STIM2: variants seen among roughly 807,000 people sequenced by gnomAD.
The protein encoded by STIM2 is stromal interaction molecule 2.
In STIM2, 31 loss-of-function variants were observed where a neutral mutation model predicts 85.8. The ratio of observed to expected loss-of-function variants is 0.36; its 90% CI spans 0.27 to 0.49. STIM2 has a LOEUF of 0.49. STIM2 is among the 20% of genes least tolerant of loss of function. STIM2 has a pLI of 0.98. For synonymous variants in STIM2, 356 were observed against 331.1 expected, an observed-to-expected ratio of 1.08 and a Z score of -0.82; for missense variants, 841 against 927.6, an observed-to-expected ratio of 0.91 and a Z score of 1.21.
At chr4:26,947,874 T>TA (rs1725899090) in intron 2 of STIM2, among the ~76,000 whole-genome samples, 1 of 152,214 alleles carries the variant, frequency 6.6e-6, no homozygotes, top group Admixed American at 6.5e-5. Flanking sequence ...CTTATAATCG[T>TA]ATGTCTATCT....
At chr4:26,958,846 A>G (rs1231713793) in intron 3 of STIM2, among the ~76,000 whole-genome samples, 1 of 152,208 alleles carries the variant, frequency 6.6e-6, no homozygotes, top group Non-Finnish European at 1.5e-5. Flanking sequence ...TCAGCAATCC[A>G]TAGATACTAA....
chr4:26,864,127 A>G (rs76104092), intron 1 of STIM2, among the ~76,000 whole-genome samples: 5,393 of 152,228 alleles, frequency 0.035, 187 homozygotes, highest in African/African-American at 0.089. Flanking sequence ...GTCATAATGA[A>G]TACAGGTTTA....
intron 4 of STIM2, among the ~76,000 whole-genome samples, chr4:26,998,964 A>G (rs1031234511): frequency 6.6e-6 from 1 of 152,040 alleles, no homozygotes; most frequent in Non-Finnish European, 1.5e-5. Context: ...ATAGTAAGTC[A>G]TAACAGAAAG....
chr4:27,002,833 G>A, intron 6 of STIM2, 94 bp from the exon 7 acceptor site: 1 of 1,092,898 alleles, frequency 9.1e-7, no homozygotes, highest in East Asian at 3.1e-5. Flanking sequence ...ATTGAAATAT[G>A]TATTTAATCG....
At chr4:26,894,415 T>G (rs940069765) in intron 1 of STIM2, among the ~76,000 whole-genome samples, 2 of 152,238 alleles carry the variant, frequency 1.3e-5, no homozygotes, top group Non-Finnish European at 2.9e-5. Flanking sequence ...GTCTTTAGTT[T>G]AACTTAGTTT....
intron 3 of STIM2, among the ~76,000 whole-genome samples, chr4:26,966,909 TAAG>T (rs919017485): frequency 2.5e-4 from 38 of 152,202 alleles, no homozygotes; most frequent in African/African-American, 9.2e-4. Context: ...ATTTTAAAGA[TAAG>T]AACCTCTTCA....
intron 1 of STIM2, among the ~76,000 whole-genome samples, chr4:26,889,564 A>G (rs1019895203): frequency 1.8e-4 from 27 of 152,172 alleles, no homozygotes; most frequent in Non-Finnish European, 3.5e-4. Context: ...CAGTGGTCCA[A>G]TATAATCAGC....
intron 8 of STIM2, 99 bp from the exon 9 acceptor site, chr4:27,008,329 A>G: frequency 1.6e-6 from 1 of 623,182 alleles, no homozygotes; most frequent in Non-Finnish European, 2.6e-6. Flanking sequence ...TATGATTGCT[A>G]ATATATTCAA....
At chr4:26,903,204 C>A (rs1723991559) in intron 1 of STIM2, among the ~76,000 whole-genome samples, 2 of 151,996 alleles carry the variant, frequency 1.3e-5, no homozygotes, top group African/African-American at 4.8e-5. Flanking sequence ...ATAACTTGGC[C>A]CCCTACCTCT....
intron 1 of STIM2, among the ~76,000 whole-genome samples, chr4:26,899,519 T>C (rs1036122559): frequency 5.9e-5 from 9 of 152,180 alleles, no homozygotes; most frequent in African/African-American, 2.2e-4. Flanking sequence ...AACTCACTAA[T>C]GAAACAATCA....
chr4:26,915,084 T>C (rs1056004509), intron 1 of STIM2, among the ~76,000 whole-genome samples: 3 of 152,218 alleles, frequency 2.0e-5, no homozygotes, highest in Non-Finnish European at 4.4e-5. Flanking sequence ...AGGAGTGTGA[T>C]CTTAAGCAAG....
intron 1 of STIM2, among the ~76,000 whole-genome samples, chr4:26,898,958 AT>A (rs1723810731): frequency 6.6e-6 from 1 of 151,636 alleles, no homozygotes; most frequent in Admixed American, 6.6e-5. Context: ...TTTTTTTTTA[AT>A]CCCAAGTCTT....
In STIM2 at chr4:26,885,859, A is replaced by ATATG. The variant is rs1553845027; in HGVS notation, c.151+24493_151+24494insGTAT. On this transcript the variant is annotated intron_variant, in intron 1 of 11. Coordinates refer to ENST00000467087, the MANE Select transcript of STIM2 (RefSeq NM_020860.4). ...TATATATATATATATATATATATAT[A>ATATG]TATATATATATATATGTATATGTCT... is the stretch of plus-strand genomic sequence containing the variant. Among the ~76,000 whole-genome samples the ATATG allele has an allele frequency of 3.6e-4, 32 of 89,430 alleles. 3 individuals carry two copies. The highest frequency in any genetic ancestry group is 3.5e-3 in the South Asian group (9 of 2,546). The allele number at this position is 89,430 out of a possible 152,430, so 58.7% of individuals were successfully genotyped here. A position where few individuals can be genotyped will look rare whatever the true frequency, so the allele number is the denominator to read the frequency against.
chr4:26,880,691 A>ATAAATATATATG (rs1722983077), intron 1 of STIM2, among the ~76,000 whole-genome samples: 1 of 98,216 alleles, frequency 1.0e-5, no homozygotes, highest in Non-Finnish European at 2.1e-5. Flanking sequence ...AAATATATAT[A>ATAAATATATATG]TATGTATATA....
intron 1 of STIM2, among the ~76,000 whole-genome samples, chr4:26,911,881 G>A (rs1206873534): frequency 7.9e-5 from 12 of 152,080 alleles, no homozygotes; most frequent in Non-Finnish European, 1.5e-5. Flanking sequence ...ATCCTGTTAT[G>A]TGCTAGGTGT....
Position 26,957,684 on chromosome 4 carries a change from A to G in STIM2, c.355A>G (p.Ile119Val), listed in dbSNP as rs1277356845. 4 of 1,597,778 alleles carry G rather than the reference A, an allele frequency of 2.5e-6. No homozygotes were observed. The highest frequency in any genetic ancestry group is 1.8e-5 in the Admixed American group (1 of 55,270). ...CCATCTGCACAGAGAAGATAAACAT[A>G]TAACGATTGAGGATTTATGGAAACG... Residue 119 changes from isoleucine (I) to valine (V), a missense_variant, in exon 3 of 12, where the codon ATA (isoleucine) becomes GTA (valine). Physicochemically the swap from Ile to Val is conservative, Grantham distance 29 (BLOSUM62 3). Around this residue, in one of 3 missense-constraint regions of STIM2, gnomAD observed 408 missense variants for 525.4 expected, o/e 0.78. Transcript: ENST00000467087.
intron 2 of STIM2, among the ~76,000 whole-genome samples, chr4:26,942,472 C>T (rs1725646660): frequency 6.6e-6 from 1 of 152,066 alleles, no homozygotes; most frequent in Admixed American, 6.6e-5. Context: ...AAAACAAAAA[C>T]TCTCAAAAGG....
chr4:26,916,739 TG>T (rs887885955), intron 1 of STIM2, among the ~76,000 whole-genome samples: 1 of 151,874 alleles, frequency 6.6e-6, no homozygotes, highest in African/African-American at 2.4e-5. Flanking sequence ...TAATGTTTTA[TG>T]TTTTTTTTTT....
chr4:26,991,495 CTAGTATTTGATACTAAAG>C (rs1483328336), intron 3 of STIM2, among the ~76,000 whole-genome samples: 2 of 151,916 alleles, frequency 1.3e-5, no homozygotes, highest in African/African-American at 2.4e-5. Context: ...GTAATAAGTT[CTAGTATTTGATACTAAAG>C]TAGGGAAATT....
Sources: allele counts gnomAD v4.1 joint callset (sites outside exome capture counted in the v4.1 genomes callset), GRCh38; gene constraint gnomAD v4.1.1; regional missense constraint gnomAD v4.1.1; transcripts MANE v1.5; gene names NCBI Gene and HGNC (gene_info 2026-07-23, HGNC 2026-07-21).